The following ALKBH8 variants were observed in gnomAD, a reference collection of about 807,000 sequenced individuals.
ALKBH8 encodes the protein tRNA (carboxymethyluridine(34)-5-O)-methyltransferase ALKBH8.
A neutral mutation model predicts 59.8 loss-of-function variants in ALKBH8; 36 were observed. The ratio of observed to expected loss-of-function variants is 0.60; its 90% CI spans 0.46 to 0.79. The LOEUF (loss-of-function observed/expected upper bound fraction) is 0.79. Ranked by LOEUF, ALKBH8 falls within the 30% of genes least tolerant of loss-of-function variation. The pLI is 0.00. For synonymous variants in ALKBH8, 276 were observed against 273.6 expected, an observed-to-expected ratio of 1.01 and a Z score of -0.09; for missense variants, 768 against 801.0, an observed-to-expected ratio of 0.96 and a Z score of 0.50.
Position 107,547,928 on chromosome 11 carries a change from A to C in ALKBH8, c.771+1825T>G, listed in dbSNP as rs956637394. 4.6e-5 allele frequency among the ~76,000 whole-genome samples: 7 copies of C among 152,302 alleles called. No individual in the cohort carries two copies. The South Asian group carries it at 1.2e-3, about 27-fold the overall frequency. On this transcript the variant is annotated intron_variant, in intron 7 of 11. Transcript: ENST00000428149. Reference sequence around the variant, plus strand: ...CTAAAGGGCAAATTTTCCCTTCTTCATAATTTCTAATTAAAACCTGTGCAA... The same window carrying C: ...CTAAAGGGCAAATTTTCCCTTCTTCCTAATTTCTAATTAAAACCTGTGCAA...
chr11:107,540,474 G>A (rs1260829257), intron 7 of ALKBH8, among the ~76,000 whole-genome samples: 1 of 152,162 alleles, frequency 6.6e-6, no homozygotes, highest in African/African-American at 2.4e-5. Context: ...ACTGTCAAAT[G>A]TTACAATACA....
chr11:107,558,442 G>A (rs1007466259), intron 2 of ALKBH8, among the ~76,000 whole-genome samples: 1 of 152,112 alleles, frequency 6.6e-6, no homozygotes, highest in Admixed American at 6.6e-5. Context: ...AAATAACTTG[G>A]TTATATGTGG....
Position 107,560,811 on chromosome 11 carries a change from G to A in ALKBH8, c.83C>T (p.Thr28Ile). ...CTCAATGCCTTCATGTCTCAGCAAAGTATGCTTGGCTTTAATCTGTTTCCT... is the reference window on the plus strand; with the variant it reads ...CTCAATGCCTTCATGTCTCAGCAAAATATGCTTGGCTTTAATCTGTTTCCT... ...FLRKQIKAKHTLLRHEGIETV... is the reference protein window; with the variant it reads ...FLRKQIKAKHILLRHEGIETV... Residue 28 changes from threonine (T) to isoleucine (I), a missense_variant, in exon 2 of 12, where the codon ACT becomes ATT. Thr to Ile is a moderately conservative substitution (Grantham distance 89). Transcript: ENST00000428149. 1.2e-6 allele frequency: 2 copies of A among 1,613,326 alleles called. No individual in the cohort carries two copies. The highest frequency in any genetic ancestry group is 2.2e-5 in the South Asian group (2 of 91,016).
intron 10 of ALKBH8, among the ~76,000 whole-genome samples, chr11:107,521,397 G>A (rs1863105117): frequency 6.6e-6 from 1 of 151,780 alleles, no homozygotes; most frequent in African/African-American, 2.4e-5. Flanking sequence ...TATATACCAA[G>A]GGACAATTGT....
At chr11:107,524,171 G>A (rs116932124) in intron 9 of ALKBH8, among the ~76,000 whole-genome samples, 2,031 of 151,974 alleles carry the variant, frequency 0.013, 24 homozygotes, top group South Asian at 0.034. Context: ...CAATCCTCCC[G>A]CCTCAGCTTT....
chr11:107,515,762 C>T (rs1188717400), intron 10 of ALKBH8, among the ~76,000 whole-genome samples: 1 of 152,114 alleles, frequency 6.6e-6, no homozygotes, highest in African/African-American at 2.4e-5. Context: ...AAGGTGCAAA[C>T]TGAAACAAGG....
At position 107,560,770 on chromosome 11, in the gene ALKBH8, T is replaced by A; in HGVS notation, c.124A>T (p.Thr42Ser). 6.2e-7 allele frequency: 1 copy of A among 1,607,584 alleles called. No individual in the cohort carries two copies. Residue 42 changes from threonine to serine, a missense_variant, in exon 2 of 12, where the codon ACT (threonine) becomes TCT (serine). Physicochemically the swap from Thr to Ser is moderately conservative, Grantham distance 58. Transcript: ENST00000428149. Reference sequence around the variant, plus strand: ...TAATAGTAGTTTTAGGTCACCTGAGTGGCATAGGATACTGTCTCAATGCCT... The same window carrying A: ...TAATAGTAGTTTTAGGTCACCTGAGAGGCATAGGATACTGTCTCAATGCCT... The part of the protein sequence containing the change: ...HEGIETVSYA[T>S]QSLVVANGGL...
intron 7 of ALKBH8, among the ~76,000 whole-genome samples, chr11:107,547,801 A>C (rs1326650782): frequency 6.6e-6 from 1 of 152,244 alleles, no homozygotes; most frequent in Admixed American, 6.5e-5. Context: ...CAGCCATTAC[A>C]AAGATGGCTT....
chr11:107,505,856 G>A (rs749803253), intron 11 of ALKBH8, among the ~76,000 whole-genome samples: 6 of 152,210 alleles, frequency 3.9e-5, no homozygotes, highest in African/African-American at 4.8e-5. Flanking sequence ...AGGCCTTAGT[G>A]GCCTGAACAG....
rs1862300736 is a variant in ALKBH8 at position 107,504,683 on chromosome 11, C to T, written c.1970G>A (p.Trp657Ter). ...TCAGGCCTTTTGAAGAATCACACAC[C>T]AGTTTCCTTGATCGTAGTAGCTTTG... ...ILQSYYDQGN[W>*]CVILQKA Residue 657 changes from tryptophan to a stop codon, truncating the protein, a stop_gained, in exon 12 of 12, where the codon TGG (tryptophan) becomes TAG (stop). Coordinates refer to ENST00000428149, the MANE Select transcript of ALKBH8 (RefSeq NM_138775.3). LOFTEE classifies it high-confidence loss of function. 14 of 1,548,570 alleles carry T rather than the reference C, an allele frequency of 9.0e-6. No homozygotes were observed. Among genetic ancestry groups the T allele is most frequent in the Non-Finnish European group, 1.0e-5 (12 of 1,145,634 alleles).
chr11:107,523,524 C>T (rs967870571), intron 9 of ALKBH8, among the ~76,000 whole-genome samples: 13 of 151,134 alleles, frequency 8.6e-5, no homozygotes, highest in African/African-American at 3.2e-4. Context: ...GAATAAGTCC[C>T]AGGGATCTAG....
chr11:107,507,094 G>A (rs1041733352), intron 11 of ALKBH8, among the ~76,000 whole-genome samples: 2 of 152,026 alleles, frequency 1.3e-5, no homozygotes, highest in African/African-American at 4.8e-5. Context: ...AGAATATCTA[G>A]TCAGCAAGCT....
intron 10 of ALKBH8, among the ~76,000 whole-genome samples, chr11:107,520,473 C>A (rs552838728): frequency 1.8e-4 from 27 of 152,104 alleles, no homozygotes; most frequent in African/African-American, 6.3e-4. Context: ...TGATTTCGAC[C>A]TAGTTTCACT....
intron 3 of ALKBH8, 39 bp from the exon 4 acceptor site, chr11:107,554,017 T>TA (rs1488785140): frequency 1.9e-6 from 3 of 1,608,606 alleles, no homozygotes; most frequent in Non-Finnish European, 1.7e-6. Context: ...ATGCAAAACT[T>TA]AAAGTTCCTA....
chr11:107,506,609 A>T (rs1227454634), intron 11 of ALKBH8, among the ~76,000 whole-genome samples: 3 of 152,192 alleles, frequency 2.0e-5, no homozygotes, highest in Non-Finnish European at 2.9e-5. Context: ...ATTAAACTAT[A>T]GTTCAAGTCA....
intron 2 of ALKBH8, among the ~76,000 whole-genome samples, chr11:107,558,236 G>T (rs967958207): frequency 6.6e-6 from 1 of 152,086 alleles, no homozygotes; most frequent in African/African-American, 2.4e-5. Context: ...GGATATAAAA[G>T]AATTATTATG....
rs527540474 is a variant in ALKBH8 at position 107,510,342 on chromosome 11, A to C, written c.1437+545T>G. 1.2e-4 allele frequency among the ~76,000 whole-genome samples: 19 copies of C among 152,274 alleles called. 1 individual carries two copies. The South Asian group carries it at 3.9e-3, about 32-fold the overall frequency. ...TTAAATATTAAATTCATTTATTTTA[A>C]AACTAAGAACATACTAAGAGTCAAC... On this transcript the variant is annotated intron_variant, in intron 11 of 11. Coordinates refer to ENST00000428149, the MANE Select transcript of ALKBH8 (RefSeq NM_138775.3).
At chr11:107,508,554 C>T (rs1862491396) in intron 11 of ALKBH8, among the ~76,000 whole-genome samples, 1 of 152,138 alleles carries the variant, frequency 6.6e-6, no homozygotes. Flanking sequence ...AACTGAGTGA[C>T]ATTAAGTACA....
At chr11:107,525,367 TG>T (rs2135508732) in intron 9 of ALKBH8, 73 bp downstream of exon 9, 1 of 1,355,396 alleles carries the variant, frequency 7.4e-7, no homozygotes, top group Non-Finnish European at 9.8e-7. Flanking sequence ...CTCTCCTAGG[TG>T]TTGACAGGAC....
Sources: allele counts gnomAD v4.1 joint callset (sites outside exome capture counted in the v4.1 genomes callset), GRCh38; gene constraint gnomAD v4.1.1; transcripts MANE v1.5; gene names NCBI Gene and HGNC (gene_info 2026-07-23, HGNC 2026-07-21).